C11orf65: variants seen among roughly 807,000 people sequenced by gnomAD.
C11orf65 encodes the protein protein MFI.
C11orf65 carries 38 observed loss-of-function variants against 35.3 expected under a neutral mutation model. The observed-to-expected ratio is 1.08, with a 90% CI of 0.83 to 1.41. C11orf65 has a LOEUF of 1.41. C11orf65 is among the 40% of genes most tolerant of loss of function. The pLI is 0.00. For synonymous variants in C11orf65, 105 were observed against 114.4 expected, an observed-to-expected ratio of 0.92 and a Z score of 0.53; for missense variants, 370 against 367.1, an observed-to-expected ratio of 1.01 and a Z score of -0.06.
chr11:108,350,373 G>A (rs982786251), intron 2 of C11orf65, among the ~76,000 whole-genome samples: 17 of 152,278 alleles, frequency 1.1e-4, no homozygotes, highest in Middle Eastern at 3.4e-3. Flanking sequence ...AGAAATCTCA[G>A]TCAAATTTGA....
At chr11:108,446,656 C>T (rs1396086603) in intron 2 of C11orf65, among the ~76,000 whole-genome samples, 2 of 152,026 alleles carry the variant, frequency 1.3e-5, no homozygotes, top group East Asian at 1.9e-4. Context: ...AAGGAACAAC[C>T]GGTACCAGCC....
At position 108,427,485 on chromosome 11, in the gene C11orf65, C is replaced by T. The variant is rs543696543; in HGVS notation, c.174+4261G>A. Among the ~76,000 whole-genome samples the T allele has an allele frequency of 1.2e-3, 187 of 151,232 alleles. 2 individuals are homozygous for T. Among genetic ancestry groups the T allele is most frequent in the Non-Finnish European group, 2.0e-3 (133 of 67,754 alleles). On this transcript the variant is annotated intron_variant, in intron 3 of 8. Transcript: ENST00000393084. Reference sequence around the variant, plus strand: ...CTGTAATCCCAGCACTTTGGGAGGCCGAGACAGGCGGATCACGAGGTCAGG... The same window carrying T: ...CTGTAATCCCAGCACTTTGGGAGGCTGAGACAGGCGGATCACGAGGTCAGG...
At chr11:108,462,643 T>C (rs2093485905) in intron 1 of C11orf65, 1 of 152,174 alleles carries the variant, frequency 6.6e-6, no homozygotes, top group Non-Finnish European at 1.5e-5. Context: ...AATTAGACCT[T>C]ATGTGGTCAA....
intron 2 of C11orf65, among the ~76,000 whole-genome samples, chr11:108,441,473 G>A (rs996370625): frequency 6.6e-6 from 1 of 152,202 alleles, no homozygotes; most frequent in Non-Finnish European, 1.5e-5. Context: ...GAAAAGAGTA[G>A]TTGTTATCCC....
rs139526757 is a variant in C11orf65, at chr11:108,466,400, C to T, written c.-10+1071G>A. Among the ~76,000 whole-genome samples, 876 of 152,126 alleles carry T rather than the reference C, an allele frequency of 5.8e-3. 8 individuals carry two copies. Among genetic ancestry groups the T allele is most frequent in the Non-Finnish European group, 0.01 (700 of 67,996 alleles). On this transcript the variant is annotated intron_variant, in intron 1 of 8. Coordinates refer to ENST00000393084, the MANE Select transcript of C11orf65 (RefSeq NM_152587.5). The stretch of plus-strand genomic sequence containing the variant: ...ACCAGCCTGGCCAATATGGTGAAAC[C>T]CTGTCTCTAGTAAAAATACAAAAAT...
chr11:108,395,270 C>T (rs981619452), intron 6 of C11orf65, among the ~76,000 whole-genome samples: 2 of 151,930 alleles, frequency 1.3e-5, no homozygotes, highest in African/African-American at 4.8e-5. Context: ...GTGGGAGACT[C>T]CCTTGAATCC....
intron 6 of C11orf65, among the ~76,000 whole-genome samples, chr11:108,397,798 A>G (rs7931985): frequency 0.022 from 3,392 of 152,232 alleles, 93 homozygotes; most frequent in African/African-American, 0.07. Flanking sequence ...TATTTATTCT[A>G]TAAGCAACAT....
intron 3 of C11orf65, among the ~76,000 whole-genome samples, chr11:108,427,131 A>G (rs1235582652): frequency 6.6e-6 from 1 of 152,176 alleles, no homozygotes; most frequent in African/African-American, 2.4e-5. Flanking sequence ...AGGCATGGGC[A>G]AAGACTTCAT....
chr11:108,434,685 G>C (rs1200571519), intron 2 of C11orf65, among the ~76,000 whole-genome samples: 1 of 151,974 alleles, frequency 6.6e-6, no homozygotes, highest in Non-Finnish European at 1.5e-5. Flanking sequence ...GACAAAAATT[G>C]ATTATTTGGA....
chr11:108,346,736 C>T (rs2088463061), intron 2 of C11orf65: 1 of 156,704 alleles, frequency 6.4e-6, no homozygotes, highest in Non-Finnish European at 1.4e-5. Context: ...TTTTGTAATG[C>T]CATGTGATTT....
chr11:108,340,818 A>C (rs1247103374), intron 2 of C11orf65, among the ~76,000 whole-genome samples: 1 of 152,164 alleles, frequency 6.6e-6, no homozygotes, highest in Non-Finnish European at 1.5e-5. Flanking sequence ...ACCTCCTCCC[A>C]TGTACTGTAA....
chr11:108,327,707 A>T (rs146167034), downstream of C11orf65: 12 of 1,613,980 alleles, frequency 7.4e-6, no homozygotes, highest in African/African-American at 1.3e-5. Context: ...ACTGGTTAGC[A>T]GAAACGTGCT....
In C11orf65 at chr11:108,463,746, C is replaced by T. The variant is rs11212655; in HGVS notation, c.-9-2178G>A. Among the ~76,000 whole-genome samples, 900 of 152,200 alleles carry T rather than the reference C, an allele frequency of 5.9e-3. 4 individuals carry two copies. The highest frequency in any genetic ancestry group is 0.011 in the Non-Finnish European group (720 of 68,002). ...TATAGTTTCTGACCCACCATAGCCA[C>T]TCAATAAATCATATTATTATAATAC... On this transcript the variant is annotated intron_variant, in intron 1 of 8. Coordinates refer to ENST00000393084, the MANE Select transcript of C11orf65 (RefSeq NM_152587.5).
upstream of C11orf65, among the ~76,000 whole-genome samples, chr11:108,469,137 G>T (rs1020578791): frequency 6.6e-6 from 1 of 151,754 alleles, no homozygotes; most frequent in African/African-American, 2.4e-5. Context: ...GATAGAACCC[G>T]GGAGGCAGAG....
At position 108,368,374 on chromosome 11, in the gene C11orf65, T is replaced by C. The variant is rs191399133; in HGVS notation, c.226+24834A>G. On this transcript the variant is annotated intron_variant, in intron 2 of 3. Coordinates refer to the C11orf65 transcript ENST00000524755. ...AAAACTGCCAAGGACAAATGAGGAG[T>C]AGTTAGATTTTGAAAATATTAATCA... The C allele has an allele frequency of 1.1e-3, 220 of 208,660 alleles. No homozygotes were observed. Among genetic ancestry groups the C allele is most frequent in the African/African-American group, 4.7e-3 (203 of 42,964 alleles). The allele number at this position is 208,660 out of a possible 1,614,324, so 12.9% of individuals were successfully genotyped here.
At chr11:108,457,178 A>C (rs925077123) in intron 2 of C11orf65, among the ~76,000 whole-genome samples, 2 of 152,174 alleles carry the variant, frequency 1.3e-5, no homozygotes, top group Non-Finnish European at 2.9e-5. Flanking sequence ...TTAAAAAAAA[A>C]CATGATGATA....
At chr11:108,356,892 C>G (rs2090003557) in intron 2 of C11orf65, among the ~76,000 whole-genome samples, 2 of 152,200 alleles carry the variant, frequency 1.3e-5, no homozygotes, top group African/African-American at 4.8e-5. Flanking sequence ...TGATTTGCAT[C>G]TCCACCTACA....
At chr11:108,456,350 A>C (rs566803505) in intron 2 of C11orf65, among the ~76,000 whole-genome samples, 4 of 152,296 alleles carry the variant, frequency 2.6e-5, no homozygotes, top group Admixed American at 2.0e-4. Context: ...AAGTATACAC[A>C]ACAATTAATT....
intron 2 of C11orf65, among the ~76,000 whole-genome samples, chr11:108,457,768 T>C (rs1169744238): frequency 2.6e-5 from 4 of 152,214 alleles, no homozygotes; most frequent in Admixed American, 1.3e-4. Context: ...CTCATGTTAC[T>C]TTGATTAAAA....
Sources: gnomAD v4.1 joint callset for allele counts (sites outside exome capture counted in the v4.1 genomes callset) on GRCh38, gnomAD v4.1.1 for gene constraint, MANE v1.5 for transcripts, NCBI Gene and HGNC (gene_info 2026-07-23, HGNC 2026-07-21) for gene names.